The following TXNRD1 variants were observed in gnomAD, a reference collection of about 807,000 sequenced individuals.
TXNRD1 encodes the protein thioredoxin reductase 1.
In TXNRD1, 57 loss-of-function variants were observed where a neutral mutation model predicts 80.3. The ratio of observed to expected loss-of-function variants is 0.71; its 90% CI spans 0.57 to 0.89. The LOEUF (loss-of-function observed/expected upper bound fraction) is 0.89, where lower values mean the gene tolerates loss of function less well. TXNRD1 is among the 40% of genes least tolerant of loss of function. TXNRD1 has a pLI of 0.00. For missense variants in TXNRD1, 730 were observed against 803.0 expected, an observed-to-expected ratio of 0.91 and a Z score of 1.10; for synonymous variants, 291 against 285.2, an observed-to-expected ratio of 1.02 and a Z score of -0.20.
At chr12:104,248,978 G>T (rs2033054256) in intron 1 of TXNRD1, among the ~76,000 whole-genome samples, 1 of 152,076 alleles carries the variant, frequency 6.6e-6, no homozygotes, top group Non-Finnish European at 1.5e-5. Context: ...CACCGCCCCG[G>T]GCCCAGAGAA....
At chr12:104,227,926 A>G (rs562535491) in intron 1 of TXNRD1, among the ~76,000 whole-genome samples, 3 of 152,102 alleles carry the variant, frequency 2.0e-5, no homozygotes, top group Non-Finnish European at 4.4e-5. Context: ...TTGTCCTTTC[A>G]TTCATTGAAG....
At position 104,253,275 on chromosome 12, in the gene TXNRD1, C is replaced by A. The variant is rs575115548; in HGVS notation, c.243+1597C>A. Among the ~76,000 whole-genome samples the A allele has an allele frequency of 3.9e-5, 6 of 152,238 alleles. 1 individual carries two copies. The South Asian group carries it at 1.2e-3, about 32-fold the overall frequency. On this transcript the variant is annotated intron_variant, in intron 2 of 16. Transcript: ENST00000525566. ...TACGGAGACCCTTTCATCCTTGTGT[C>A]TCTCCTGAACACATTCTGCATCGAT...
chr12:104,295,389 C>G (rs1057391267), intron 4 of TXNRD1, among the ~76,000 whole-genome samples: 23 of 152,268 alleles, frequency 1.5e-4, no homozygotes, highest in Non-Finnish European at 2.6e-4. Flanking sequence ...ACTGGCCTCC[C>G]ACTTCTGATC....
chr12:104,307,097 A>G (rs1450520994), intron 4 of TXNRD1, among the ~76,000 whole-genome samples: 2 of 152,160 alleles, frequency 1.3e-5, no homozygotes, highest in Non-Finnish European at 2.9e-5. Context: ...TTGGCATGAC[A>G]CCAACCAGTA....
At chr12:104,284,313 G>T (rs1313940750) in intron 3 of TXNRD1, 1 of 152,202 alleles carries the variant, frequency 6.6e-6, no homozygotes, top group African/African-American at 2.4e-5. Context: ...AGAATATGTG[G>T]ACAGCTAGGT....
chr12:104,280,884 G>GA (rs964349536), intron 3 of TXNRD1, among the ~76,000 whole-genome samples: 3 of 151,932 alleles, frequency 2.0e-5, no homozygotes, highest in South Asian at 2.1e-4. Flanking sequence ...AAAAAGAAAA[G>GA]AAAAAAATCT....
intron 1 of TXNRD1, among the ~76,000 whole-genome samples, chr12:104,249,028 A>C (rs1018000919): frequency 6.6e-6 from 1 of 152,250 alleles, no homozygotes; most frequent in Non-Finnish European, 1.5e-5. Flanking sequence ...TTTTTCTTTA[A>C]GAAGAACCCA....
At chr12:104,316,273 G>T (rs942230151) in intron 7 of TXNRD1, among the ~76,000 whole-genome samples, 3 of 151,446 alleles carry the variant, frequency 2.0e-5, no homozygotes, top group South Asian at 2.1e-4. Context: ...TGATGTTTGT[G>T]GGGGGTGGGG....
chr12:104,338,355 T>TG (rs2036210157), intron 15 of TXNRD1, among the ~76,000 whole-genome samples: 1 of 151,776 alleles, frequency 6.6e-6, no homozygotes, highest in Non-Finnish European at 1.5e-5. Flanking sequence ...TGGTTCATGT[T>TG]GGGGAGTCTT....
At position 104,350,251 on chromosome 12, in the gene TXNRD1, T is replaced by G. The variant is rs2036602813; in HGVS notation, c.*1830T>G. ...AATCTTCTGAAAAAAAACAAAACAA[T>G]GTGAAACATTAAAATTAAAAGGCAT... On this transcript the variant is annotated 3_prime_UTR_variant, in exon 17 of 17. Transcript: ENST00000525566. 1 of 152,186 alleles carries G rather than the reference T, an allele frequency of 6.6e-6. No homozygotes were observed. 9.4% of individuals were successfully genotyped at this position (152,186 alleles called of 1,614,324 possible). A position where few individuals can be genotyped will look rare whatever the true frequency, so the allele number is the denominator to read the frequency against.
chr12:104,321,667 C>T lies in TXNRD1; in HGVS notation c.1215+351C>T, dbSNP rs150830874. On this transcript the variant is annotated intron_variant, in intron 10 of 16. Transcript: ENST00000525566. ...ATTTAAATAAGAGTTCAACACTAGG[C>T]CCCACCTGCACTCCCTGGCTCCCCA... 7.9e-5 allele frequency among the ~76,000 whole-genome samples: 12 copies of T among 152,308 alleles called. No homozygotes were observed. The East Asian group carries it at 2.3e-3, about 29-fold the overall frequency.
At chr12:104,243,067 C>T (rs1374861722) in intron 1 of TXNRD1, among the ~76,000 whole-genome samples, 1 of 152,094 alleles carries the variant, frequency 6.6e-6, no homozygotes, top group African/African-American at 2.4e-5. Context: ...GAGCTATAAA[C>T]AGGATATTGT....
intron 4 of TXNRD1, among the ~76,000 whole-genome samples, chr12:104,310,927 A>G (rs2035110622): frequency 6.6e-6 from 1 of 152,216 alleles, no homozygotes; most frequent in Admixed American, 6.5e-5. Flanking sequence ...TGTTATATTG[A>G]GATTAAGCTA....
At chr12:104,261,228 A>G (rs1340021617) in intron 3 of TXNRD1, among the ~76,000 whole-genome samples, 1 of 151,436 alleles carries the variant, frequency 6.6e-6, no homozygotes, top group Non-Finnish European at 1.5e-5. Context: ...CGATGGCACG[A>G]TCTGGGCTTG....
chr12:104,269,270 A>ATTATT (rs2135722775), intron 3 of TXNRD1, among the ~76,000 whole-genome samples: 1 of 152,182 alleles, frequency 6.6e-6, no homozygotes, highest in African/African-American at 2.4e-5. Context: ...CTAGAAAAAC[A>ATTATT]TTATTTGCTC....
Position 104,251,623 on chromosome 12 carries a change from T to C in TXNRD1, c.188T>C (p.Ile63Thr). ...TCCAGAGCCCTGCTTCAGGCCTATA[T>C]AGATGGTCACTCTGTGGTCATCTTC... ...ADSRALLQAY[I>T]DGHSVVIFSR... Residue 63 changes from isoleucine (I) to threonine (T), a missense_variant, in exon 2 of 17, where the codon ATA becomes ACA. Ile to Thr is a moderately conservative substitution (Grantham distance 89). Coordinates refer to ENST00000525566, the MANE Select transcript of TXNRD1 (RefSeq NM_001093771.3). 6.2e-7 allele frequency: 1 copy of C among 1,613,940 alleles called. No individual in the cohort carries two copies. Among genetic ancestry groups the C allele is most frequent in the Non-Finnish European group, 8.5e-7 (1 of 1,179,850 alleles).
At chr12:104,320,185 A>G (rs1423458542) in intron 9 of TXNRD1, among the ~76,000 whole-genome samples, 3 of 152,260 alleles carry the variant, frequency 2.0e-5, no homozygotes, top group Non-Finnish European at 2.9e-5. Flanking sequence ...GACATTGTTC[A>G]GGAGCTTTCA....
At chr12:104,236,199 C>T (rs1013389757) in intron 1 of TXNRD1, among the ~76,000 whole-genome samples, 62 of 152,248 alleles carry the variant, frequency 4.1e-4, no homozygotes, top group Middle Eastern at 3.4e-3. Flanking sequence ...AAAGTTGGTT[C>T]GGCCTAAACC....
At chr12:104,314,782 C>T (rs895599193) in intron 6 of TXNRD1, among the ~76,000 whole-genome samples, 1 of 147,434 alleles carries the variant, frequency 6.8e-6, no homozygotes, top group Non-Finnish European at 1.5e-5. Flanking sequence ...CGCTCTGTCG[C>T]CCGGGCTGGA....
Sources: allele counts gnomAD v4.1 joint callset (sites outside exome capture counted in the v4.1 genomes callset), GRCh38; gene constraint gnomAD v4.1.1; transcripts MANE v1.5; gene names NCBI Gene and HGNC (gene_info 2026-07-23, HGNC 2026-07-21).